Variants in SPATS2 observed in about 807,000 individuals in gnomAD.
SPATS2 encodes spermatogenesis associated serine rich 2, also known as spermatogenesis-associated serine-rich protein 2.
In SPATS2, 38 loss-of-function variants were observed where a neutral mutation model predicts 63.7. The observed-to-expected ratio is 0.60, with a 90% CI of 0.46 to 0.78. SPATS2 has a LOEUF of 0.78. SPATS2 is among the 30% of genes least tolerant of loss of function. The pLI is 0.00. For synonymous variants in SPATS2, 207 were observed against 232.9 expected (o/e 0.89, Z 1.01); for missense variants, 588 against 666.2 (o/e 0.88, Z 1.29).
Position 49,509,600 on chromosome 12 carries a change from T to G in SPATS2, c.840-4955T>G, listed in dbSNP as rs551640553. ...GGGAGGCTGAGGTGGGTGGATTGCT[T>G]GAGGTCAGGAGTTCAAGACCAGCCT... is the stretch of plus-strand genomic sequence containing the variant. On this transcript the variant is annotated intron_variant, in intron 9 of 13. Transcript: ENST00000552918. Among the ~76,000 whole-genome samples, 5 of 152,138 alleles carry G rather than the reference T, an allele frequency of 3.3e-5. 1 individual carries two copies. Among genetic ancestry groups the G allele is most frequent in the African/African-American group, 1.2e-4 (5 of 41,536 alleles).
chr12:49,519,661 G>C (rs1435081255), intron 11 of SPATS2, among the ~76,000 whole-genome samples: 1 of 150,090 alleles, frequency 6.7e-6, no homozygotes, highest in Non-Finnish European at 1.5e-5. Context: ...CTGAAGGACT[G>C]TGCAGTCTTG....
intron 13 of SPATS2, 67 bp from the exon 14 acceptor site, chr12:49,525,877 T>C: frequency 6.5e-7 from 1 of 1,535,498 alleles, no homozygotes; most frequent in South Asian, 1.3e-5. Flanking sequence ...AGAATACTCC[T>C]GTAAAGTGAA....
intron 2 of SPATS2, among the ~76,000 whole-genome samples, chr12:49,378,366 C>T (rs1206274261): frequency 1.3e-5 from 2 of 151,084 alleles, no homozygotes; most frequent in African/African-American, 4.9e-5. Flanking sequence ...GGCTCGAACT[C>T]GGCTCACTGC....
chr12:49,370,209 A>G (rs1943974772), intron 1 of SPATS2, among the ~76,000 whole-genome samples: 1 of 152,214 alleles, frequency 6.6e-6, no homozygotes, highest in Admixed American at 6.6e-5. Flanking sequence ...AACTTACACA[A>G]AGTCACTTTA....
chr12:49,419,629 A>T (rs1944945624), intron 2 of SPATS2, among the ~76,000 whole-genome samples: 1 of 152,170 alleles, frequency 6.6e-6, no homozygotes, highest in Non-Finnish European at 1.5e-5. Flanking sequence ...TGTTGATTTA[A>T]TGTTTAGTTT....
intron 2 of SPATS2, among the ~76,000 whole-genome samples, chr12:49,449,896 A>C (rs1945587953): frequency 6.6e-6 from 1 of 152,202 alleles, no homozygotes; most frequent in African/African-American, 2.4e-5. Flanking sequence ...TCAGTTATTG[A>C]GAGTGGGATA....
intron 2 of SPATS2, among the ~76,000 whole-genome samples, chr12:49,408,252 C>CTTTT (rs201465422): frequency 7.3e-6 from 1 of 137,108 alleles, no homozygotes; most frequent in Non-Finnish European, 1.6e-5. Flanking sequence ...TAGTATTCTT[C>CTTTT]TTTTTTTTTT....
chr12:49,440,946 T>C (rs1017436710), intron 2 of SPATS2, among the ~76,000 whole-genome samples: 2 of 152,234 alleles, frequency 1.3e-5, no homozygotes, highest in African/African-American at 4.8e-5. Flanking sequence ...TTAATAGTGC[T>C]AATAACTTTG....
chr12:49,416,733 C>T (rs1460295838), intron 2 of SPATS2, among the ~76,000 whole-genome samples: 2 of 152,230 alleles, frequency 1.3e-5, no homozygotes, highest in Non-Finnish European at 2.9e-5. Context: ...GATTTGCCCA[C>T]CTCAGCTTCC....
chr12:49,385,867 GTTTT>G (rs910472041), intron 2 of SPATS2, among the ~76,000 whole-genome samples: 3 of 138,272 alleles, frequency 2.2e-5, no homozygotes, highest in East Asian at 2.0e-4. Context: ...TTGTTTGTTT[GTTTT>G]TTGTTTTTTT....
intron 2 of SPATS2, among the ~76,000 whole-genome samples, chr12:49,424,346 C>T (rs528275215): frequency 1.6e-4 from 24 of 152,330 alleles, no homozygotes; most frequent in African/African-American, 5.3e-4. Flanking sequence ...TTAACCAGAA[C>T]ATACCTGCAT....
At chr12:49,395,106 C>A (rs563843497) in intron 2 of SPATS2, among the ~76,000 whole-genome samples, 96 of 152,054 alleles carry the variant, frequency 6.3e-4, no homozygotes, top group African/African-American at 2.3e-3. Context: ...ATTTCTTTTT[C>A]TTTTTTCTTT....
intron 2 of SPATS2, among the ~76,000 whole-genome samples, chr12:49,430,390 C>A (rs1945165315): frequency 6.6e-6 from 1 of 152,042 alleles, no homozygotes; most frequent in South Asian, 2.1e-4. Context: ...GCGTGACCCA[C>A]CATGCCTGGC....
Position 49,526,143 on chromosome 12 carries a change from G to C in SPATS2, c.1526G>C (p.Gly509Ala), listed in dbSNP as rs138457593. Residue 509 changes from glycine (G) to alanine (A), a missense_variant, in exon 14 of 14, where the codon GGG (glycine) becomes GCG (alanine). Physicochemically the swap from Gly to Ala is moderately conservative, Grantham distance 60. Transcript: ENST00000552918. ...GAAAGAGGCCAGACTCACTCTGCAG[G>C]GACCAATGGAACTGGAGTCAGCATG... ...TIERGQTHSA[G>A]TNGTGVSMEP... is the part of the protein sequence containing the mutation. The C allele has an allele frequency of 1.9e-6, 3 of 1,614,118 alleles. No individual in the cohort carries two copies. The highest frequency in any genetic ancestry group is 2.5e-6 in the Non-Finnish European group (3 of 1,180,038).
intron 6 of SPATS2, among the ~76,000 whole-genome samples, chr12:49,494,024 G>A (rs1166978968): frequency 6.6e-6 from 1 of 152,176 alleles, no homozygotes; most frequent in East Asian, 1.9e-4. Context: ...TGTTAATAGT[G>A]ATACTGCAAT....
chr12:49,469,686 T>A (rs1592430870), intron 3 of SPATS2: 1 of 356,904 alleles, frequency 2.8e-6, no homozygotes, highest in African/African-American at 2.2e-5. Context: ...AGGTCAGGAG[T>A]TCAAGACCAG....
At chr12:49,394,523 T>G (rs1026669628) in intron 2 of SPATS2, among the ~76,000 whole-genome samples, 1 of 152,048 alleles carries the variant, frequency 6.6e-6, no homozygotes, top group Admixed American at 6.6e-5. Context: ...GTCTTTAATA[T>G]CTCTCCATGA....
At chr12:49,377,952 A>G (rs1398363030) in intron 2 of SPATS2, among the ~76,000 whole-genome samples, 3 of 151,948 alleles carry the variant, frequency 2.0e-5, no homozygotes, top group Non-Finnish European at 1.5e-5. Context: ...AGTTGTCATG[A>G]TTGTTGCATT....
intron 2 of SPATS2, among the ~76,000 whole-genome samples, chr12:49,379,853 C>A (rs944438220): frequency 6.6e-6 from 1 of 152,042 alleles, no homozygotes; most frequent in Non-Finnish European, 1.5e-5. Flanking sequence ...AAACTCCTGA[C>A]CTCAGGTGAT....
Sources: allele counts gnomAD v4.1 joint callset (sites outside exome capture counted in the v4.1 genomes callset), GRCh38; gene constraint gnomAD v4.1.1; transcripts MANE v1.5; gene names NCBI Gene and HGNC (gene_info 2026-07-23, HGNC 2026-07-21).